Variants in BSPH1 observed in about 807,000 individuals in gnomAD.
The protein encoded by BSPH1 is binder of sperm 1.
Under a neutral mutation model 22.5 loss-of-function variants are expected in BSPH1, and 21 were observed. The ratio of observed to expected loss-of-function variants is 0.93; its 90% confidence interval spans 0.66 to 1.35. The LOEUF (loss-of-function observed/expected upper bound fraction) is 1.35, where lower values mean the gene tolerates loss of function less well. Ranked by LOEUF, BSPH1 falls within the 40% of genes most tolerant of loss-of-function variation. The probability of loss-of-function intolerance (pLI) is 0.00; values close to 1 mark genes in which losing one functional copy is unlikely to be tolerated. For missense variants in BSPH1, 141 were observed against 154.2 expected (o/e 0.91, Z 0.45); for synonymous variants, 42 against 53.6 (o/e 0.78, Z 0.95).
intron 1 of BSPH1, among the ~76,000 whole-genome samples, chr19:47,988,398 C>T (rs7258047): frequency 0.3 from 44,882 of 151,970 alleles, 6,846 homozygotes; most frequent in East Asian, 0.48. Flanking sequence ...TGGGAACTCA[C>T]AGACATCCAG....
chr19:47,987,280 G>C (rs1001999941), intron 1 of BSPH1, among the ~76,000 whole-genome samples: 1 of 152,046 alleles, frequency 6.6e-6, no homozygotes, highest in African/African-American at 2.4e-5. Flanking sequence ...GTGCTAATTC[G>C]CCGTGTTGGT....
intron 5 of BSPH1, among the ~76,000 whole-genome samples, chr19:47,972,127 C>G (rs189398445): frequency 2.1e-4 from 32 of 152,258 alleles, no homozygotes; most frequent in African/African-American, 7.7e-4. Flanking sequence ...ATAATTGGCA[C>G]TTTCCTCGTC....
rs764826403 is a variant in BSPH1 at position 47,977,538 on chromosome 19, G to T, written c.125-34C>A. The T allele has an allele frequency of 5.9e-5, 91 of 1,549,748 alleles. No individual in the cohort carries two copies. The African/African-American group carries it at 1.0e-3, about 17-fold the overall frequency. On this transcript the variant is annotated intron_variant, in intron 3 of 5. Coordinates refer to ENST00000344839, the MANE Select transcript of BSPH1 (RefSeq NM_001128326.2). ...AACAAAATTCTTCCTCTGTTTCTGG[G>T]TGTGTTAGGAGAGAGGTTATCAAGC... is the stretch of plus-strand genomic sequence containing the variant.
chr19:47,975,978 G>A (rs563414556), intron 5 of BSPH1, among the ~76,000 whole-genome samples: 98 of 152,210 alleles, frequency 6.4e-4, no homozygotes, highest in African/African-American at 2.2e-3. Context: ...TTTAATACAC[G>A]TTATTTTTTA....
chr19:47,991,248 G>A (rs952634131), intron 1 of BSPH1, among the ~76,000 whole-genome samples: 2 of 151,948 alleles, frequency 1.3e-5, no homozygotes, highest in African/African-American at 2.4e-5. Flanking sequence ...AAACCAGCAG[G>A]AGCCCCATGT....
At position 47,968,200 on chromosome 19, in the gene BSPH1, G is replaced by T. The variant is rs1969275901; in HGVS notation, c.*12C>A. On this transcript the variant is annotated 3_prime_UTR_variant, in exon 6 of 6. Coordinates refer to ENST00000344839, the MANE Select transcript of BSPH1 (RefSeq NM_001128326.2). Reference sequence around the variant, plus strand: ...TGTCTGTATCTGATAGCCAGCAGATGCAAGCAAACCTAACCCAAAGAACAG... The same window carrying T: ...TGTCTGTATCTGATAGCCAGCAGATTCAAGCAAACCTAACCCAAAGAACAG... The T allele has an allele frequency of 6.6e-6, 1 of 152,308 alleles. No individual in the cohort carries two copies. The highest frequency in any genetic ancestry group is 3.4e-3 in the Middle Eastern group (1 of 294). The allele number at this position is 152,308 out of a possible 1,614,324, so 9.4% of individuals were successfully genotyped here.
chr19:47,971,529 G>T (rs1969311630), intron 5 of BSPH1, among the ~76,000 whole-genome samples: 1 of 152,196 alleles, frequency 6.6e-6, no homozygotes, highest in African/African-American at 2.4e-5. Flanking sequence ...TTAAAATAAA[G>T]AGATTTTATT....
intron 1 of BSPH1, among the ~76,000 whole-genome samples, chr19:47,988,834 A>C (rs1183120769): frequency 1.3e-5 from 2 of 152,160 alleles, no homozygotes; most frequent in African/African-American, 4.8e-5. Flanking sequence ...AATAGTAATT[A>C]CATGTTGGAC....
intron 1 of BSPH1, among the ~76,000 whole-genome samples, chr19:47,985,914 C>T (rs1470255366): frequency 6.6e-6 from 1 of 151,912 alleles, no homozygotes; most frequent in African/African-American, 2.4e-5. Flanking sequence ...TTATGAAGTC[C>T]CCTGAACCCG....
Position 47,979,588 on chromosome 19 carries a change from G to T in BSPH1, c.106C>A (p.His36Asn). ...ELSSTVETIT[H>N]FPEVTDGECV... ...GACTTACCTGTAACTTCTGGAAAATGAGTTATAGTTTCTGAAAAATAAAAT... is the reference window on the plus strand; with the variant it reads ...GACTTACCTGTAACTTCTGGAAAATTAGTTATAGTTTCTGAAAAATAAAAT... Residue 36 changes from histidine (H) to asparagine (N), a missense_variant, in exon 3 of 6, where the codon CAT becomes AAT. Transcript: ENST00000344839. 7.5e-7 allele frequency: 1 copy of T among 1,338,584 alleles called. No individual in the cohort carries two copies. The highest frequency in any genetic ancestry group is 1.5e-5 in the South Asian group (1 of 66,208). The allele number at this position is 1,338,584 out of a possible 1,614,324, so 82.9% of individuals were successfully genotyped here. A position where few individuals can be genotyped will look rare whatever the true frequency, so the allele number is the denominator to read the frequency against.
chr19:47,976,885 A>C (rs142408992), intron 4 of BSPH1, 31 bp from the exon 5 acceptor site: 2 of 1,548,280 alleles, frequency 1.3e-6, no homozygotes, highest in Non-Finnish European at 1.7e-6. Flanking sequence ...GAAGCAGAGT[A>C]AGAAACCTTT....
Position 47,978,320 on chromosome 19 carries a change from G to A in BSPH1, c.125-816C>T, listed in dbSNP as rs116851647. On this transcript the variant is annotated intron_variant, in intron 3 of 5. Coordinates refer to ENST00000344839, the MANE Select transcript of BSPH1 (RefSeq NM_001128326.2). ...AGATCTCACTATGTTGGCCAGGGTG[G>A]TCTCAAACTCCTGAGCTCAAGCATC... Among the ~76,000 whole-genome samples, 1,299 of 152,004 alleles carry A rather than the reference G, an allele frequency of 8.5e-3. 10 individuals carry two copies. Among genetic ancestry groups the A allele is most frequent in the South Asian group, 0.022 (108 of 4,808 alleles).
chr19:47,989,006 C>G (rs1037842700), intron 1 of BSPH1, among the ~76,000 whole-genome samples: 1 of 151,866 alleles, frequency 6.6e-6, no homozygotes, highest in Admixed American at 6.6e-5. Context: ...AGATCGTGCA[C>G]TAGTGGGAAG....
Position 47,978,399 on chromosome 19 carries a change from C to T in BSPH1, c.125-895G>A, listed in dbSNP as rs553555233. 6.6e-5 allele frequency among the ~76,000 whole-genome samples: 10 copies of T among 152,256 alleles called. No homozygotes were observed. In the East Asian group the frequency reaches 1.9e-3, roughly 29 times the overall value. The stretch of plus-strand genomic sequence containing the variant: ...GATTACAGTCATGAGCCACTGAGTC[C>T]GGCCTTAACTTCTTTCTAATGCTGA... On this transcript the variant is annotated intron_variant, in intron 3 of 5. Transcript: ENST00000344839.
chr19:47,967,423 A>G (rs77735102), downstream of BSPH1, among the ~76,000 whole-genome samples: 13,917 of 152,246 alleles, frequency 0.091, 809 homozygotes, highest in Middle Eastern at 0.19. Flanking sequence ...AAAGTAACAC[A>G]GATGGGGTGG....
chr19:47,982,341 A>G (rs1969427052), intron 1 of BSPH1, among the ~76,000 whole-genome samples: 1 of 152,250 alleles, frequency 6.6e-6, no homozygotes, highest in Admixed American at 6.5e-5. Flanking sequence ...TGCAAAAGCA[A>G]TGATTTTAAT....
At chr19:47,974,767 A>G (rs1320796315) in intron 5 of BSPH1, among the ~76,000 whole-genome samples, 1 of 133,618 alleles carries the variant, frequency 7.5e-6, no homozygotes. Context: ...TATAGTTTCC[A>G]GTTTCCTCTA....
At chr19:47,990,064 A>G (rs1033919324) in intron 1 of BSPH1, among the ~76,000 whole-genome samples, 16 of 146,024 alleles carry the variant, frequency 1.1e-4, no homozygotes, top group Admixed American at 2.9e-4. Context: ...GGTTGCGGTG[A>G]GCCGAGATCA....
chr19:47,970,692 T>C (rs1600082660), intron 5 of BSPH1, among the ~76,000 whole-genome samples: 2 of 152,182 alleles, frequency 1.3e-5, no homozygotes, highest in East Asian at 3.9e-4. Flanking sequence ...CCTTCTCCTC[T>C]TCCTACCATG....
Sources: gnomAD v4.1 joint callset for allele counts (sites outside exome capture counted in the v4.1 genomes callset) on GRCh38, gnomAD v4.1.1 for gene constraint, MANE v1.5 for transcripts, NCBI Gene and HGNC (gene_info 2026-07-23, HGNC 2026-07-21) for gene names.